Variants in FAM118B observed in about 807,000 individuals in gnomAD.
FAM118B encodes the protein SIR2 antiphage like 1, also known as protein FAM118B.
A neutral mutation model predicts 38.5 loss-of-function variants in FAM118B; 24 were observed. The ratio of observed to expected loss-of-function variants is 0.62; its 90% CI spans 0.45 to 0.88. The LOEUF (loss-of-function observed/expected upper bound fraction) is 0.88. Ranked by LOEUF, FAM118B falls within the 40% of genes least tolerant of loss-of-function variation. FAM118B has a pLI of 0.00. For synonymous variants in FAM118B, 138 were observed against 156.3 expected (o/e 0.88, Z 0.87); for missense variants, 334 against 420.0 (o/e 0.80, Z 1.79).
chr11:126,245,148 A>G (rs1413228863), intron 4 of FAM118B: 1 of 152,156 alleles, frequency 6.6e-6, no homozygotes, highest in Non-Finnish European at 1.5e-5. Flanking sequence ...GGGGACCACC[A>G]GGTTGCCTAA....
chr11:126,247,740 C>T (rs1234921560), intron 4 of FAM118B, among the ~76,000 whole-genome samples: 1 of 151,650 alleles, frequency 6.6e-6, no homozygotes, highest in African/African-American at 2.4e-5. Flanking sequence ...CACCTGTAAT[C>T]CCAGCTACTC....
At chr11:126,257,226 G>A (rs1241713284) in intron 7 of FAM118B, among the ~76,000 whole-genome samples, 4 of 152,152 alleles carry the variant, frequency 2.6e-5, no homozygotes, top group East Asian at 3.8e-4. Flanking sequence ...GGTAAAGTTA[G>A]TACAACTTTT....
intron 3 of FAM118B, among the ~76,000 whole-genome samples, chr11:126,240,117 C>T (rs567429227): frequency 6.6e-6 from 1 of 152,326 alleles, no homozygotes; most frequent in East Asian, 1.9e-4. Flanking sequence ...CCCATGCTGT[C>T]TCACATATGG....
intron 2 of FAM118B, among the ~76,000 whole-genome samples, chr11:126,231,322 G>C (rs181639626): frequency 6.6e-6 from 1 of 152,106 alleles, no homozygotes; most frequent in African/African-American, 2.4e-5. Flanking sequence ...AAACTCAAAC[G>C]TGATCACATA....
chr11:126,258,721 A>G (rs2135219827), intron 7 of FAM118B, among the ~76,000 whole-genome samples: 1 of 152,370 alleles, frequency 6.6e-6, no homozygotes, highest in South Asian at 2.1e-4. Context: ...TTCATTAACA[A>G]GACATACATA....
intron 4 of FAM118B, among the ~76,000 whole-genome samples, chr11:126,247,868 T>A (rs55675048): frequency 0.31 from 38,919 of 126,034 alleles, 5,368 homozygotes; most frequent in East Asian, 0.38. Context: ...AAAAAAAAAA[T>A]ATATATATAT....
At chr11:126,224,774 C>T (rs1226008835) in intron 1 of FAM118B, among the ~76,000 whole-genome samples, 3 of 152,280 alleles carry the variant, frequency 2.0e-5, no homozygotes, top group East Asian at 1.9e-4. Flanking sequence ...AAGAGGCCAG[C>T]GTAGCTGGAG....
intron 3 of FAM118B, among the ~76,000 whole-genome samples, chr11:126,237,751 G>A (rs1308388039): frequency 6.8e-6 from 1 of 147,432 alleles, no homozygotes; most frequent in African/African-American, 2.5e-5. Flanking sequence ...CAGCTACTCG[G>A]GAGGCTGAGG....
intron 7 of FAM118B, 152 bp downstream of exon 7, chr11:126,257,004 A>G (rs1950588680): frequency 1.3e-6 from 1 of 745,010 alleles, no homozygotes; most frequent in Non-Finnish European, 2.2e-6. Context: ...AGGTTAGACT[A>G]AAGTGCCACT....
Position 126,250,156 on chromosome 11 carries a change from A to G in FAM118B, c.340-350A>G, listed in dbSNP as rs1326576515. Reference sequence around the variant, plus strand: ...GCCCAGGCTGGAGTGCAGTGACGCGATCTCGGCTCACTGCAAGCTCCGCCT... The same window carrying G: ...GCCCAGGCTGGAGTGCAGTGACGCGGTCTCGGCTCACTGCAAGCTCCGCCT... On this transcript the variant is annotated intron_variant, in intron 4 of 8. Transcript: ENST00000533050. This position sits in a 1 kb window ranked among gnomAD's most constrained non-coding sequence, Gnocchi z 5.1. 1.3e-5 allele frequency among the ~76,000 whole-genome samples: 2 copies of G among 148,284 alleles called. No individual in the cohort carries two copies. Among genetic ancestry groups the G allele is most frequent in the African/African-American group, 5.0e-5 (2 of 39,874 alleles).
At chr11:126,254,129 A>G (rs1188776899) in intron 5 of FAM118B, among the ~76,000 whole-genome samples, 176 bp from the exon 6 acceptor site, 3 of 152,214 alleles carry the variant, frequency 2.0e-5, no homozygotes, top group Non-Finnish European at 4.4e-5. Flanking sequence ...CATTCTTGAC[A>G]GTCATTCCTG....
Position 126,244,422 on chromosome 11 carries a change from T to C in FAM118B, c.339+3378T>C, listed in dbSNP as rs984986144. 7.2e-5 allele frequency among the ~76,000 whole-genome samples: 11 copies of C among 152,240 alleles called. No homozygotes were observed. Among genetic ancestry groups the C allele is most frequent in the African/African-American group, 2.7e-4 (11 of 41,462 alleles). On this transcript the variant is annotated intron_variant, in intron 4 of 8. Coordinates refer to ENST00000533050, the MANE Select transcript of FAM118B (RefSeq NM_024556.4). The surrounding 1 kb of genome is among the most constrained non-coding windows in gnomAD (Gnocchi z 4.5). ...ATATAAAAATAGTATTTTTATACACTTGCAGTGAACAATACTAAAATGAAA... is the reference window on the plus strand; with the variant it reads ...ATATAAAAATAGTATTTTTATACACCTGCAGTGAACAATACTAAAATGAAA...
Position 126,240,853 on chromosome 11 carries a change from G to A in FAM118B, c.148G>A (p.Gly50Ser). 6.2e-7 allele frequency: 1 copy of A among 1,614,144 alleles called. No homozygotes were observed. The highest frequency in any genetic ancestry group is 8.5e-7 in the Non-Finnish European group (1 of 1,180,002). ...AGAACTTGTGCTAGTGATTGGAACA[G>A]GCATTAGTGCTGCAGTTGCGCCCCA... ...PRELVLVIGTGISAAVAPQVP... is the reference protein window; with the variant it reads ...PRELVLVIGTSISAAVAPQVP... Residue 50 changes from glycine (G) to serine (S), a missense_variant, in exon 4 of 9, where the codon GGC (glycine) becomes AGC (serine). Coordinates refer to ENST00000533050, the MANE Select transcript of FAM118B (RefSeq NM_024556.4).
intron 4 of FAM118B, among the ~76,000 whole-genome samples, chr11:126,249,731 C>CAAAAAAAAAAAAAAA (rs71048775): frequency 2.5e-5 from 2 of 79,006 alleles, no homozygotes; most frequent in South Asian, 1.1e-3. Context: ...GACTCCGTCT[C>CAAAAAAAAAAAAAAA]AAAAAAAAAA....
Position 126,235,009 on chromosome 11 carries a change from C to T in FAM118B, c.8C>T (p.Ser3Phe), listed in dbSNP as rs1333355604. The T allele has an allele frequency of 1.2e-6, 2 of 1,613,838 alleles. No homozygotes were observed. The highest frequency in any genetic ancestry group is 2.7e-5 in the African/African-American group (2 of 74,916). ...ATCTATTTTAGAAACTGGATGGCTTCTACAGGGAGCCAGGCCTCTGATATA... is the reference window on the plus strand; with the variant it reads ...ATCTATTTTAGAAACTGGATGGCTTTTACAGGGAGCCAGGCCTCTGATATA... MA[S>F]TGSQASDIDE... The change falls in exon 3 of 9, where the codon TCT becomes TTT. Residue 3 changes from serine (S) to phenylalanine (F), a missense_variant. Around this residue, in one of 3 missense-constraint regions of FAM118B, gnomAD observed 240 missense variants for 295.9 expected, o/e 0.81. Transcript: ENST00000533050.
At chr11:126,242,017 T>A in intron 4 of FAM118B, among the ~76,000 whole-genome samples, 1 of 91,344 alleles carries the variant, frequency 1.1e-5, no homozygotes. Flanking sequence ...AGAGGAAGAC[T>A]CCGTCTCAAA....
At chr11:126,241,147 G>A (rs1950352478) in intron 4 of FAM118B, 103 bp downstream of exon 4, 1 of 1,224,438 alleles carries the variant, frequency 8.2e-7, no homozygotes, top group African/African-American at 1.5e-5. Context: ...AATGTAACAG[G>A]GATATTCATT....
intron 1 of FAM118B, among the ~76,000 whole-genome samples, chr11:126,220,267 G>A (rs1950046253): frequency 6.6e-6 from 1 of 152,184 alleles, no homozygotes; most frequent in Admixed American, 6.5e-5. Flanking sequence ...CTTTCTGGCT[G>A]CTCCCTGAGA....
At position 126,256,945 on chromosome 11, in the gene FAM118B, G is replaced by A. The variant is rs1950588012; in HGVS notation, c.982+93G>A. ...ATGTGATGGGCAAAATAGTTGCCAA[G>A]ATGAGGAATGTAATGACTGACCAAA... is the stretch of plus-strand genomic sequence containing the variant. On this transcript the variant is annotated intron_variant, in intron 7 of 8. Coordinates refer to ENST00000533050, the MANE Select transcript of FAM118B (RefSeq NM_024556.4). The surrounding 1 kb of genome is among the most constrained non-coding windows in gnomAD (Gnocchi z 6.6). The A allele has an allele frequency of 5.3e-6, 7 of 1,312,924 alleles. No homozygotes were observed. In the Admixed American group the frequency reaches 6.5e-5, roughly 12 times the overall value. The allele number at this position is 1,312,924 out of a possible 1,614,324, so 81.3% of individuals were successfully genotyped here.
Sources: gnomAD v4.1 joint callset for allele counts (sites outside exome capture counted in the v4.1 genomes callset) on GRCh38, gnomAD v4.1.1 for gene constraint, gnomAD v4.1.1 regional missense constraint, Gnocchi (gnomAD v3.1) non-coding constraint, MANE v1.5 for transcripts, NCBI Gene and HGNC (gene_info 2026-07-23, HGNC 2026-07-21) for gene names.